The following PRPH2 variants were observed in gnomAD, a reference collection of about 807,000 sequenced individuals.
PRPH2 encodes the protein peripherin-2.
A neutral mutation model predicts 31.3 loss-of-function variants in PRPH2; 17 were observed. The observed-to-expected ratio is 0.54, with a 90% CI of 0.37 to 0.81. The LOEUF (loss-of-function observed/expected upper bound fraction) is 0.81. Ranked by LOEUF, PRPH2 falls within the 40% of genes least tolerant of loss-of-function variation. PRPH2 has a pLI of 0.00. For synonymous variants in PRPH2, 165 were observed against 184.4 expected (o/e 0.89, Z 0.85); for missense variants, 430 against 439.7 (o/e 0.98, Z 0.20).
At chr6:42,720,026 C>T (rs1030504662) in intron 1 of PRPH2, among the ~76,000 whole-genome samples, 2 of 152,080 alleles carry the variant, frequency 1.3e-5, no homozygotes, top group Non-Finnish European at 2.9e-5. Context: ...TTTAATATTA[C>T]TGCTGTATTT....
intron 2 of PRPH2, among the ~76,000 whole-genome samples, chr6:42,699,205 A>T (rs1182592387): frequency 6.6e-6 from 1 of 151,914 alleles, no homozygotes; most frequent in Non-Finnish European, 1.5e-5. Context: ...GGTGCCTGCC[A>T]CCATACCTGA....
intron 1 of PRPH2, 80 bp from the exon 2 acceptor site, chr6:42,704,691 GA>G: frequency 6.3e-7 from 1 of 1,594,400 alleles, no homozygotes; most frequent in East Asian, 2.2e-5. Context: ...CCTGCCTCTG[GA>G]AACCTAGAAT....
chr6:42,708,918 A>G (rs970274792), intron 1 of PRPH2, among the ~76,000 whole-genome samples: 1 of 152,126 alleles, frequency 6.6e-6, no homozygotes, highest in African/African-American at 2.4e-5. Context: ...GGCCTCAGAA[A>G]ATGTTGTCCC....
intron 1 of PRPH2, among the ~76,000 whole-genome samples, chr6:42,717,471 T>G (rs1447174350): frequency 6.6e-6 from 1 of 151,962 alleles, no homozygotes; most frequent in Non-Finnish European, 1.5e-5. Context: ...GCCTCACCTC[T>G]TTGCCATCAG....
chr6:42,710,137 T>G (rs6915637), intron 1 of PRPH2, among the ~76,000 whole-genome samples: 41,827 of 152,004 alleles, frequency 0.28, 5,959 homozygotes, highest in East Asian at 0.46. Flanking sequence ...TGGGGCTCCC[T>G]GAGTCAGGGC....
At chr6:42,706,395 A>G (rs1800165053) in intron 1 of PRPH2, among the ~76,000 whole-genome samples, 1 of 151,638 alleles carries the variant, frequency 6.6e-6, no homozygotes, top group African/African-American at 2.4e-5. Context: ...ACACAGTGAG[A>G]CTCTGTCTCA....
chr6:42,716,780 C>G (rs956783872), intron 1 of PRPH2, among the ~76,000 whole-genome samples: 2 of 150,868 alleles, frequency 1.3e-5, no homozygotes, highest in Non-Finnish European at 3.0e-5. Context: ...GCCACTACAC[C>G]TGGTTAATTT....
chr6:42,706,587 CA>C (rs958650800), intron 1 of PRPH2, among the ~76,000 whole-genome samples: 16 of 93,250 alleles, frequency 1.7e-4, no homozygotes, highest in African/African-American at 2.1e-4. Context: ...TCTCAAAAAA[CA>C]AAAAAAAAAG....
At chr6:42,704,321 G>A (rs774037962) in intron 2 of PRPH2, 44 bp downstream of exon 2, 10 of 1,590,364 alleles carry the variant, frequency 6.3e-6, no homozygotes, top group Middle Eastern at 1.9e-4. Flanking sequence ...AAATGGGACC[G>A]GAGGCTCTCC....
chr6:42,699,314 G>A (rs1487446536), intron 2 of PRPH2, among the ~76,000 whole-genome samples: 9 of 151,728 alleles, frequency 5.9e-5, no homozygotes, highest in Admixed American at 2.0e-4. Context: ...CACCCGCCTC[G>A]ACCTCCCAAA....
chr6:42,702,975 G>C (rs1364663454), intron 2 of PRPH2, among the ~76,000 whole-genome samples: 1 of 152,168 alleles, frequency 6.6e-6, no homozygotes, highest in African/African-American at 2.4e-5. Flanking sequence ...CCAGGAGTTA[G>C]AGAGCAGCCT....
At chr6:42,705,627 T>TATATATATATATATATATATATATAC in intron 1 of PRPH2, among the ~76,000 whole-genome samples, 1 of 128,076 alleles carries the variant, frequency 7.8e-6, no homozygotes, top group Admixed American at 8.1e-5. Context: ...TATATATATA[T>TATATATATATATATATATATATATAC]ATATTTGTGC....
intron 1 of PRPH2, among the ~76,000 whole-genome samples, chr6:42,719,515 G>T (rs1761855827): frequency 6.6e-6 from 1 of 150,882 alleles, no homozygotes; most frequent in South Asian, 2.1e-4. Flanking sequence ...GATCATTGTG[G>T]ATATTATGCA....
intron 1 of PRPH2, among the ~76,000 whole-genome samples, chr6:42,705,599 A>ATATATATATAT (rs1317305870): frequency 1.9e-4 from 4 of 21,554 alleles, no homozygotes; most frequent in African/African-American, 5.5e-4. Flanking sequence ...AAAAAAAAAA[A>ATATATATATAT]ATATATATAT....
Position 42,721,774 on chromosome 6 carries a change from A to T in PRPH2, c.561T>A (p.Phe187Leu). 1 of 1,614,218 alleles carries T rather than the reference A, an allele frequency of 6.2e-7. No individual in the cohort carries two copies. The highest frequency in any genetic ancestry group is 8.5e-7 in the Non-Finnish European group (1 of 1,180,038). Residue 187 changes from phenylalanine (F) to leucine (L), a missense_variant, in exon 1 of 3, where the codon TTT becomes TTA. Transcript: ENST00000230381. ...IQWISNRYLD[F>L]SSKEVKDRIK... ...CTCACTCTTTGACTTCTTTGGAGGA[A>T]AAGTCCAGGTAGCGATTGCTGATCC... is the stretch of plus-strand genomic sequence containing the variant.
chr6:42,697,218 G>A lies in PRPH2; in HGVS notation c.*1077C>T, dbSNP rs1451452318. The stretch of plus-strand genomic sequence containing the variant: ...GAAAACTCCTGTATTTGCTAGCTCA[G>A]GAAGATGGGCTATCTCAAAGAATCT... On this transcript the variant is annotated 3_prime_UTR_variant, in exon 3 of 3. Coordinates refer to ENST00000230381, the MANE Select transcript of PRPH2 (RefSeq NM_000322.5). 6.6e-6 allele frequency: 1 copy of A among 152,144 alleles called. No homozygotes were observed. Among genetic ancestry groups the A allele is most frequent in the Non-Finnish European group, 1.5e-5 (1 of 68,020 alleles). 9.4% of individuals were successfully genotyped at this position (152,144 alleles called of 1,614,324 possible).
intron 2 of PRPH2, among the ~76,000 whole-genome samples, chr6:42,701,682 ATTTTTTTTTTT>A (rs70990127): frequency 3.8e-5 from 3 of 78,524 alleles, no homozygotes; most frequent in Non-Finnish European, 7.0e-5. Context: ...ACGTCCAGCA[ATTTTTTTTTTT>A]TTTTTTTTTT....
intron 1 of PRPH2, among the ~76,000 whole-genome samples, chr6:42,716,519 G>A (rs1305348059): frequency 1.3e-5 from 2 of 151,434 alleles, no homozygotes; most frequent in African/African-American, 2.4e-5. Context: ...CAGGCTCAAC[G>A]GATTCTCCCA....
chr6:42,700,045 G>A (rs551824100), intron 2 of PRPH2, among the ~76,000 whole-genome samples: 2 of 147,978 alleles, frequency 1.4e-5, no homozygotes, highest in South Asian at 4.2e-4. Context: ...TGCAATCTCC[G>A]CCTCCCGGGT....
Sources: gnomAD v4.1 joint callset for allele counts (sites outside exome capture counted in the v4.1 genomes callset) on GRCh38, gnomAD v4.1.1 for gene constraint, MANE v1.5 for transcripts, NCBI Gene and HGNC (gene_info 2026-07-23, HGNC 2026-07-21) for gene names.